The following RUNX2 variants were observed in gnomAD, a reference collection of about 807,000 sequenced individuals.
RUNX2 encodes RUNX family transcription factor 2.
A neutral mutation model predicts 51.7 loss-of-function variants in RUNX2; 10 were observed. The observed-to-expected ratio is 0.19, with a 90% CI of 0.12 to 0.33. The LOEUF (loss-of-function observed/expected upper bound fraction) is 0.33, where lower values mean the gene tolerates loss of function less well. Ranked by LOEUF, RUNX2 falls within the 10% of genes least tolerant of loss-of-function variation. The pLI is 1.00. For missense variants in RUNX2, 562 were observed against 691.3 expected (o/e 0.81, Z 2.10); for synonymous variants, 276 against 273.6 (o/e 1.01, Z -0.09).
In RUNX2 at chr6:45,492,090, C is replaced by A; in HGVS notation, c.835C>A (p.Pro279Thr). Reference sequence around the variant, plus strand: ...GAACTCTGCACCAAGTCCTTTTAATCCACAAGGACAGAGTCAGATTACAGG... The same window carrying A: ...GAACTCTGCACCAAGTCCTTTTAATACACAAGGACAGAGTCAGATTACAGG... The part of the protein sequence containing the change: ...SLNSAPSPFN[P>T]QGQSQITDPR... Residue 279 changes from proline (P) to threonine (T), a missense_variant, in exon 6 of 9, where the codon CCA becomes ACA. Physicochemically the swap from Pro to Thr is conservative, Grantham distance 38. Coordinates refer to ENST00000647337, the MANE Select transcript of RUNX2 (RefSeq NM_001024630.4). 6.2e-7 allele frequency: 1 copy of A among 1,613,704 alleles called. No individual in the cohort carries two copies. The highest frequency in any genetic ancestry group is 8.5e-7 in the Non-Finnish European group (1 of 1,179,840).
chr6:45,364,216 A>T (rs1324867087), intron 2 of RUNX2, among the ~76,000 whole-genome samples: 2 of 152,170 alleles, frequency 1.3e-5, no homozygotes, highest in Non-Finnish European at 2.9e-5. Flanking sequence ...TAAAAGTATA[A>T]AAGGATCCTA....
intron 2 of RUNX2, among the ~76,000 whole-genome samples, chr6:45,399,810 G>A (rs574449379): frequency 2.0e-5 from 3 of 147,970 alleles, no homozygotes; most frequent in East Asian, 4.0e-4. Flanking sequence ...AAGGAAGGAG[G>A]GAGGGAAGTA....
chr6:45,409,528 G>A (rs935773520), intron 2 of RUNX2, among the ~76,000 whole-genome samples: 3 of 152,100 alleles, frequency 2.0e-5, no homozygotes, highest in South Asian at 2.1e-4. Flanking sequence ...ACTTAGGTAC[G>A]GAATTGCTAA....
At chr6:45,456,949 C>A (rs1799334635) in intron 5 of RUNX2, among the ~76,000 whole-genome samples, 1 of 152,054 alleles carries the variant, frequency 6.6e-6, no homozygotes, top group Non-Finnish European at 1.5e-5. Context: ...AAATCAAATT[C>A]AAGTTGAAAA....
chr6:45,507,971 G>A (rs1801023627), intron 6 of RUNX2, among the ~76,000 whole-genome samples: 1 of 152,056 alleles, frequency 6.6e-6, no homozygotes, highest in East Asian at 1.9e-4. Context: ...CTTTATGAAG[G>A]AGATATTCTT....
intron 7 of RUNX2, among the ~76,000 whole-genome samples, chr6:45,514,326 G>T (rs1364409882): frequency 6.6e-6 from 1 of 152,174 alleles, no homozygotes. Context: ...TTTACTGAGG[G>T]TTACTTAAAA....
At chr6:45,355,417 A>G (rs996604880) in intron 2 of RUNX2, among the ~76,000 whole-genome samples, 2 of 152,006 alleles carry the variant, frequency 1.3e-5, no homozygotes, top group Non-Finnish European at 2.9e-5. Flanking sequence ...AAATGTTGAT[A>G]TAACAGTTCC....
intron 6 of RUNX2, among the ~76,000 whole-genome samples, chr6:45,493,730 CTGTGTGTG>C (rs34362546): frequency 4.8e-5 from 7 of 146,992 alleles, no homozygotes; most frequent in African/African-American, 1.5e-4. Context: ...AATCCTTAGA[CTGTGTGTG>C]TGTGTGTGTG....
At chr6:45,400,365 T>G (rs1423105315) in intron 2 of RUNX2, among the ~76,000 whole-genome samples, 1 of 152,202 alleles carries the variant, frequency 6.6e-6, no homozygotes, top group Non-Finnish European at 1.5e-5. Flanking sequence ...GTCTAACTTC[T>G]TCCTTCCTTT....
intron 7 of RUNX2, among the ~76,000 whole-genome samples, chr6:45,536,416 T>C (rs912845541): frequency 6.6e-6 from 1 of 152,184 alleles, no homozygotes; most frequent in Non-Finnish European, 1.5e-5. Flanking sequence ...AGCTGAATTA[T>C]AGAGACTGAA....
At chr6:45,388,530 C>G (rs952041759) in intron 2 of RUNX2, among the ~76,000 whole-genome samples, 1 of 152,162 alleles carries the variant, frequency 6.6e-6, no homozygotes, top group Admixed American at 6.6e-5. Context: ...TCTAACTTAA[C>G]AAGTTGTCCA....
intron 2 of RUNX2, among the ~76,000 whole-genome samples, chr6:45,398,332 A>G (rs1317437647): frequency 6.6e-6 from 1 of 152,208 alleles, no homozygotes. Flanking sequence ...AGCTATTATC[A>G]TTGAAGTTGT....
intron 5 of RUNX2, among the ~76,000 whole-genome samples, chr6:45,474,419 A>G (rs1391361010): frequency 6.6e-6 from 1 of 151,798 alleles, no homozygotes; most frequent in African/African-American, 2.4e-5. Context: ...TTCAGTAGAC[A>G]ATACAATGTG....
At chr6:45,440,446 A>G (rs147835302) in intron 5 of RUNX2, among the ~76,000 whole-genome samples, 1 of 152,228 alleles carries the variant, frequency 6.6e-6, no homozygotes, top group Non-Finnish European at 1.5e-5. Context: ...CCTCTAGAAC[A>G]CAGACTGGCA....
chr6:45,434,929 A>T (rs1476155012), intron 4 of RUNX2, among the ~76,000 whole-genome samples: 1 of 152,242 alleles, frequency 6.6e-6, no homozygotes, highest in Non-Finnish European at 1.5e-5. Flanking sequence ...TTATTATTAT[A>T]GGATGAAGAA....
chr6:45,344,100 A>C (rs1790367917), intron 2 of RUNX2, among the ~76,000 whole-genome samples: 1 of 152,220 alleles, frequency 6.6e-6, no homozygotes, highest in Non-Finnish European at 1.5e-5. Context: ...AGCAATTCAA[A>C]TTCCTTTTAT....
chr6:45,341,903 T>TA (rs1789860243), intron 2 of RUNX2, among the ~76,000 whole-genome samples: 1 of 152,098 alleles, frequency 6.6e-6, no homozygotes, highest in African/African-American at 2.4e-5. Context: ...TGTATGAAGA[T>TA]AGACAAAAGG....
At chr6:45,486,198 T>C (rs1341810877) in intron 5 of RUNX2, among the ~76,000 whole-genome samples, 5 of 152,174 alleles carry the variant, frequency 3.3e-5, no homozygotes, top group Non-Finnish European at 5.9e-5. Flanking sequence ...ATTTTCTCAA[T>C]TGATCCGCAA....
At position 45,357,326 on chromosome 6, in the gene RUNX2, G is replaced by A. The variant is rs62400331; in HGVS notation, c.58+28542G>A. On this transcript the variant is annotated intron_variant, in intron 2 of 8. Transcript: ENST00000647337. ...CCGGTCAAGAATCCATTTTTATCTA[G>A]TACCTTTTTTATTTTTTATTTTTTG... is the stretch of plus-strand genomic sequence containing the variant. Among the ~76,000 whole-genome samples the A allele has an allele frequency of 1.8e-3, 269 of 151,734 alleles. 1 individual carries two copies. Among genetic ancestry groups the A allele is most frequent in the Non-Finnish European group, 3.0e-3 (202 of 67,886 alleles).
Sources: allele counts gnomAD v4.1 joint callset (sites outside exome capture counted in the v4.1 genomes callset), GRCh38; gene constraint gnomAD v4.1.1; transcripts MANE v1.5; gene names NCBI Gene and HGNC (gene_info 2026-07-23, HGNC 2026-07-21).